Variants in SUGCT observed in about 807,000 individuals in gnomAD.
SUGCT encodes succinyl-CoA:glutarate-CoA transferase.
SUGCT carries 41 observed loss-of-function variants against 55.0 expected under a neutral mutation model. That is an observed-to-expected ratio of 0.74 (90% confidence interval 0.58 to 0.97). The LOEUF is 0.97. Ranked by LOEUF, SUGCT falls within the 50% of genes least tolerant of loss-of-function variation. The probability of loss-of-function intolerance (pLI) is 0.00; values close to 1 mark genes in which losing one functional copy is unlikely to be tolerated. For synonymous variants in SUGCT, 187 were observed against 200.4 expected (o/e 0.93, Z 0.56); for missense variants, 568 against 547.8 (o/e 1.04, Z -0.37).
At chr7:40,420,680 G>A (rs2151369258) in intron 9 of SUGCT, among the ~76,000 whole-genome samples, 1 of 152,184 alleles carries the variant, frequency 6.6e-6, no homozygotes, top group South Asian at 2.1e-4. Context: ...TGCTGTGGCA[G>A]ATCATCTTTC....
chr7:40,406,666 T>G (rs1786387362), intron 9 of SUGCT, among the ~76,000 whole-genome samples: 1 of 152,190 alleles, frequency 6.6e-6, no homozygotes, highest in Admixed American at 6.5e-5. Context: ...GATTAGGGTT[T>G]GTTCAATTGT....
rs190290382 is a variant in SUGCT at position 40,393,052 on chromosome 7, T to G, written c.817-56235T>G. 2.0e-3 allele frequency among the ~76,000 whole-genome samples: 305 copies of G among 152,272 alleles called. 12 individuals are homozygous for G. The South Asian group carries it at 0.059, about 29-fold the overall frequency. On this transcript the variant is annotated intron_variant, in intron 9 of 13. Transcript: ENST00000335693. ...GGTGATAGTCAACAGAAATTGACCA[T>G]ATGAGTCTGATCTTGTCGGCAGAGA...
chr7:40,802,180 A>G (rs1245982846), intron 13 of SUGCT, among the ~76,000 whole-genome samples: 1 of 152,162 alleles, frequency 6.6e-6, no homozygotes, highest in Non-Finnish European at 1.5e-5. Context: ...CTCATCACTT[A>G]GTCATTACAA....
chr7:40,699,498 G>C (rs777581677), intron 12 of SUGCT, among the ~76,000 whole-genome samples: 1 of 152,212 alleles, frequency 6.6e-6, no homozygotes, highest in Admixed American at 6.5e-5. Flanking sequence ...GAGTCTCCCC[G>C]TGTCCTGCAG....
At chr7:40,508,547 C>T (rs765608890) in intron 12 of SUGCT, among the ~76,000 whole-genome samples, 4 of 152,090 alleles carry the variant, frequency 2.6e-5, no homozygotes, top group Non-Finnish European at 4.4e-5. Flanking sequence ...TTTTGTAATG[C>T]AGAGGTGTAG....
the SUGCT span, among the ~76,000 whole-genome samples, chr7:40,901,639 G>C: frequency 6.6e-6 from 1 of 152,136 alleles, no homozygotes; most frequent in East Asian, 1.9e-4. Context: ...CGTTAACCTT[G>C]TGGCTTTCTT....
the SUGCT span, among the ~76,000 whole-genome samples, chr7:40,928,806 G>A: frequency 5.9e-5 from 9 of 151,844 alleles, no homozygotes; most frequent in Non-Finnish European, 1.3e-4. Context: ...TCACCATGTT[G>A]GCCAGGATGG....
chr7:40,469,291 T>G (rs1790284851), intron 11 of SUGCT, among the ~76,000 whole-genome samples: 1 of 152,212 alleles, frequency 6.6e-6, no homozygotes, highest in Non-Finnish European at 1.5e-5. Context: ...CTCATAATTC[T>G]TTGAATCATA....
intron 12 of SUGCT, among the ~76,000 whole-genome samples, chr7:40,699,244 C>T (rs1317686802): frequency 6.6e-6 from 1 of 152,150 alleles, no homozygotes; most frequent in Non-Finnish European, 1.5e-5. Context: ...AGTGAGGTTT[C>T]TAGCCTTTGG....
intron 12 of SUGCT, among the ~76,000 whole-genome samples, chr7:40,727,269 A>C (rs1452872172): frequency 6.6e-6 from 1 of 152,206 alleles, no homozygotes; most frequent in African/African-American, 2.4e-5. Context: ...TCTTCAGCTT[A>C]TCCAAGGTAT....
At chr7:40,788,829 G>A (rs367884357) in intron 13 of SUGCT, among the ~76,000 whole-genome samples, 1 of 152,156 alleles carries the variant, frequency 6.6e-6, no homozygotes, top group South Asian at 2.1e-4. Context: ...ACATAACCAA[G>A]TACAGAACCT....
intron 9 of SUGCT, among the ~76,000 whole-genome samples, chr7:40,411,515 T>A (rs1390041124): frequency 6.6e-6 from 1 of 152,036 alleles, no homozygotes; most frequent in East Asian, 1.9e-4. Context: ...ATAAGCCAAA[T>A]AGAGAAAGAC....
At chr7:40,531,461 T>A (rs1046555651) in intron 12 of SUGCT, among the ~76,000 whole-genome samples, 4 of 152,002 alleles carry the variant, frequency 2.6e-5, no homozygotes, top group Middle Eastern at 6.8e-3. Context: ...TTTCTATCTA[T>A]AGTATCAGTC....
At chr7:40,907,509 A>G in the SUGCT span, among the ~76,000 whole-genome samples, 49 of 152,334 alleles carry the variant, frequency 3.2e-4, no homozygotes, top group African/African-American at 1.1e-3. Context: ...AATGTAGTTA[A>G]CATTTAACTG....
intron 13 of SUGCT, among the ~76,000 whole-genome samples, chr7:40,845,718 G>C (rs940298346): frequency 6.6e-6 from 1 of 152,134 alleles, no homozygotes; most frequent in Non-Finnish European, 1.5e-5. Flanking sequence ...TCAATTGTTC[G>C]ACAAATAATT....
Position 40,301,795 on chromosome 7 carries a change from G to A in SUGCT, c.721-14965G>A, listed in dbSNP as rs191592318. On this transcript the variant is annotated intron_variant, in intron 8 of 13. Coordinates refer to ENST00000335693, the MANE Select transcript of SUGCT (RefSeq NM_001193313.2). ...ATCAGAATGATCAGATGTAGGGAGAGTGTCTAAGTTCATTTATTTTGATTT... is the reference window on the plus strand; with the variant it reads ...ATCAGAATGATCAGATGTAGGGAGAATGTCTAAGTTCATTTATTTTGATTT... 4.6e-5 allele frequency among the ~76,000 whole-genome samples: 7 copies of A among 152,322 alleles called. No individual in the cohort carries two copies. In the East Asian group the frequency reaches 1.2e-3, roughly 25 times the overall value.
intron 13 of SUGCT, among the ~76,000 whole-genome samples, chr7:40,830,262 C>T (rs1792585575): frequency 6.6e-6 from 1 of 152,200 alleles, no homozygotes; most frequent in Non-Finnish European, 1.5e-5. Flanking sequence ...TAAACTCCTT[C>T]ACTCAAGACC....
At chr7:40,186,226 C>T (rs1396343497) in intron 3 of SUGCT, among the ~76,000 whole-genome samples, 4 of 137,982 alleles carry the variant, frequency 2.9e-5, no homozygotes, top group Non-Finnish European at 6.3e-5. Context: ...CTCTCCCCTC[C>T]CCTCCCCTCC....
intron 12 of SUGCT, among the ~76,000 whole-genome samples, chr7:40,536,741 A>G (rs538753840): frequency 2.6e-5 from 4 of 152,296 alleles, no homozygotes; most frequent in Admixed American, 1.3e-4. Flanking sequence ...GAGTGCTGCT[A>G]TGGCAGCTGA....
Sources: allele counts gnomAD v4.1 joint callset (sites outside exome capture counted in the v4.1 genomes callset), GRCh38; gene constraint gnomAD v4.1.1; transcripts MANE v1.5; gene names NCBI Gene and HGNC (gene_info 2026-07-23, HGNC 2026-07-21).